The following CSMD1 variants were observed in gnomAD, a reference collection of about 807,000 sequenced individuals.
CSMD1 encodes the protein CUB and Sushi multiple domains 1.
CSMD1 carries 213 observed loss-of-function variants against 417.5 expected under a neutral mutation model. The ratio of observed to expected loss-of-function variants is 0.51; its 90% confidence interval spans 0.46 to 0.57. The LOEUF is 0.57. Ranked by LOEUF, CSMD1 falls within the 20% of genes least tolerant of loss-of-function variation. The pLI, the probability that CSMD1 is intolerant of heterozygous loss-of-function variation, is 0.00. For missense variants in CSMD1, 6,923 were observed against 4,529.7 expected, an observed-to-expected ratio of 1.53 and a Z score of -15.17; for synonymous variants, 2,862 against 1,736.8, an observed-to-expected ratio of 1.65 and a Z score of -16.11.
At chr8:3,012,805 C>G (rs1808503240) in intron 52 of CSMD1, among the ~76,000 whole-genome samples, 1 of 152,184 alleles carries the variant, frequency 6.6e-6, no homozygotes, top group Non-Finnish European at 1.5e-5. Flanking sequence ...GTGCCTGCTT[C>G]ATATGATTGG....
At chr8:3,203,386 C>T (rs541300928) in intron 31 of CSMD1, among the ~76,000 whole-genome samples, 3 of 152,254 alleles carry the variant, frequency 2.0e-5, no homozygotes, top group South Asian at 2.1e-4. Context: ...CTGCTATCTA[C>T]GCTGCTGCCG....
intron 10 of CSMD1, among the ~76,000 whole-genome samples, chr8:3,539,245 A>C (rs1028336700): frequency 6.6e-6 from 1 of 152,126 alleles, no homozygotes; most frequent in Non-Finnish European, 1.5e-5. Flanking sequence ...TTAATCCTTC[A>C]GTCACTCTCT....
At chr8:3,645,568 C>T (rs1380388675) in intron 7 of CSMD1, among the ~76,000 whole-genome samples, 1 of 152,104 alleles carries the variant, frequency 6.6e-6, no homozygotes, top group African/African-American at 2.4e-5. Context: ...AAGTGTCAGT[C>T]TTCTGCAAGG....
chr8:3,480,899 G>A (rs1817703365), intron 11 of CSMD1, among the ~76,000 whole-genome samples: 1 of 152,012 alleles, frequency 6.6e-6, no homozygotes, highest in Admixed American at 6.6e-5. Flanking sequence ...GCTCACGCCT[G>A]TAATCCCAGC....
At chr8:3,786,211 C>T (rs374135219) in intron 5 of CSMD1, among the ~76,000 whole-genome samples, 9 of 151,980 alleles carry the variant, frequency 5.9e-5, no homozygotes, top group East Asian at 1.9e-4. Flanking sequence ...ATTTTGGGCA[C>T]GTTGGGATCA....
At chr8:4,409,926 G>A (rs1395617645) in intron 3 of CSMD1, among the ~76,000 whole-genome samples, 1 of 151,368 alleles carries the variant, frequency 6.6e-6, no homozygotes. Context: ...TGATTCTCCT[G>A]CCTCAGCTTC....
chr8:3,449,393 C>T (rs1003572084), intron 12 of CSMD1, among the ~76,000 whole-genome samples: 1 of 152,100 alleles, frequency 6.6e-6, no homozygotes, highest in Admixed American at 6.6e-5. Context: ...GTTGGCTTTG[C>T]CAAGTCAGAG....
intron 5 of CSMD1, among the ~76,000 whole-genome samples, chr8:3,758,670 G>C (rs1013071226): frequency 6.6e-6 from 1 of 152,190 alleles, no homozygotes; most frequent in African/African-American, 2.4e-5. Flanking sequence ...TTGAGATTTA[G>C]AAGAAAAGAA....
chr8:3,892,969 A>T (rs1006367043), intron 5 of CSMD1, among the ~76,000 whole-genome samples: 8 of 36,330 alleles, frequency 2.2e-4, no homozygotes, highest in African/African-American at 3.4e-4. Flanking sequence ...CCACAGTGAT[A>T]AAAAAAAAAT....
intron 5 of CSMD1, among the ~76,000 whole-genome samples, chr8:3,807,419 T>G (rs1461714259): frequency 7.7e-6 from 1 of 130,620 alleles, no homozygotes; most frequent in African/African-American, 2.6e-5. Context: ...AGAGGATGTT[T>G]TCTCTGATTT....
intron 1 of CSMD1, among the ~76,000 whole-genome samples, chr8:4,737,956 T>G (rs1388977012): frequency 6.6e-6 from 1 of 152,194 alleles, no homozygotes; most frequent in African/African-American, 2.4e-5. Flanking sequence ...ATGTTAATTT[T>G]CAGGTAACAG....
intron 2 of CSMD1, among the ~76,000 whole-genome samples, chr8:4,549,041 T>A (rs1797750936): frequency 6.6e-6 from 1 of 152,216 alleles, no homozygotes; most frequent in African/African-American, 2.4e-5. Context: ...TTGTTGACTT[T>A]TCACATTCAT....
intron 1 of CSMD1, among the ~76,000 whole-genome samples, chr8:4,861,192 C>T (rs966539711): frequency 3.3e-5 from 5 of 152,100 alleles, no homozygotes; most frequent in African/African-American, 1.2e-4. Flanking sequence ...TGACATTTAT[C>T]TCAGAGACCT....
rs367802038 is a variant in CSMD1 at position 4,680,478 on chromosome 8, A to G, written c.86-42920T>C. Among the ~76,000 whole-genome samples the G allele has an allele frequency of 4.3e-3, 659 of 152,292 alleles. 5 individuals are homozygous for G. The highest frequency in any genetic ancestry group is 6.8e-3 in the Non-Finnish European group (460 of 68,018). ...TCATCGTACCTTCACACTTGATGACACTGGGCAGATGCATTAAATTATAGA... is the reference window on the plus strand; with the variant it reads ...TCATCGTACCTTCACACTTGATGACGCTGGGCAGATGCATTAAATTATAGA... On this transcript the variant is annotated intron_variant, in intron 1 of 69. Coordinates refer to ENST00000635120, the MANE Select transcript of CSMD1 (RefSeq NM_033225.6).
At chr8:3,908,399 G>A (rs533049302) in intron 5 of CSMD1, among the ~76,000 whole-genome samples, 7 of 152,256 alleles carry the variant, frequency 4.6e-5, no homozygotes, top group African/African-American at 1.4e-4. Flanking sequence ...TGATAAATTT[G>A]CATCAGCATT....
intron 3 of CSMD1, among the ~76,000 whole-genome samples, chr8:4,399,427 G>C (rs936775916): frequency 6.6e-6 from 1 of 152,218 alleles, no homozygotes; most frequent in African/African-American, 2.4e-5. Context: ...TCATATGTGA[G>C]AAATTGATGA....
chr8:4,921,187 C>T lies in CSMD1; in HGVS notation c.85+73145G>A, dbSNP rs112139102. ...ATGGTGATTTAGGGTCAGAAACAGG[C>T]AATTTCAAGTGACTTGTTAGCTCCC... On this transcript the variant is annotated intron_variant, in intron 1 of 69. Coordinates refer to ENST00000635120, the MANE Select transcript of CSMD1 (RefSeq NM_033225.6). 8.8e-3 allele frequency among the ~76,000 whole-genome samples: 1,338 copies of T among 152,120 alleles called. 19 individuals are homozygous for T. The highest frequency in any genetic ancestry group is 0.031 in the African/African-American group (1,288 of 41,514).
At chr8:4,133,070 G>C (rs910363156) in intron 3 of CSMD1, among the ~76,000 whole-genome samples, 1 of 151,988 alleles carries the variant, frequency 6.6e-6, no homozygotes. Flanking sequence ...TGAGTAGTTG[G>C]GACTACAGGT....
intron 18 of CSMD1, among the ~76,000 whole-genome samples, chr8:3,383,218 A>G (rs1220417556): frequency 1.3e-5 from 2 of 152,256 alleles, no homozygotes; most frequent in East Asian, 1.9e-4. Flanking sequence ...ATAGATGTTC[A>G]TATGTATCAC....
Sources: gnomAD v4.1 joint callset for allele counts (sites outside exome capture counted in the v4.1 genomes callset) on GRCh38, gnomAD v4.1.1 for gene constraint, MANE v1.5 for transcripts, NCBI Gene and HGNC (gene_info 2026-07-23, HGNC 2026-07-21) for gene names.